RSU1: variants seen among roughly 807,000 people sequenced by gnomAD.
RSU1 encodes rsu-1.
RSU1 carries 26 observed loss-of-function variants against 31.1 expected under a neutral mutation model. That is an observed-to-expected ratio of 0.84 (90% CI 0.61 to 1.16). The LOEUF is 1.16. Among genes scored for constraint, RSU1 ranks in the 50% most tolerant of loss-of-function variants. RSU1 has a pLI of 0.00. For synonymous variants in RSU1, 164 were observed against 136.3 expected, an observed-to-expected ratio of 1.20 and a Z score of -1.41; for missense variants, 320 against 339.1, an observed-to-expected ratio of 0.94 and a Z score of 0.44.
At chr10:16,738,650 C>T (rs1836686375) in intron 7 of RSU1, among the ~76,000 whole-genome samples, 1 of 151,958 alleles carries the variant, frequency 6.6e-6, no homozygotes, top group Non-Finnish European at 1.5e-5. Flanking sequence ...CATAAATTAA[C>T]AATAAAAATG....
chr10:16,679,760 G>GC (rs1368862337), intron 8 of RSU1, among the ~76,000 whole-genome samples: 3 of 151,842 alleles, frequency 2.0e-5, no homozygotes, highest in Admixed American at 2.0e-4. Flanking sequence ...CTCCCACGTG[G>GC]CCCACCATCA....
At chr10:16,785,077 G>C (rs914980488) in intron 2 of RSU1, among the ~76,000 whole-genome samples, 2 of 152,184 alleles carry the variant, frequency 1.3e-5, no homozygotes, top group Admixed American at 6.5e-5. Flanking sequence ...GTTCCTGTGA[G>C]GGTGTTGCCA....
rs546602822 is a variant in RSU1, at chr10:16,771,908, A to G, written c.161-7398T>C. Among the ~76,000 whole-genome samples the G allele has an allele frequency of 2.0e-5, 3 of 152,252 alleles. No homozygotes were observed. In the East Asian group the frequency reaches 5.8e-4, roughly 29 times the overall value. ...ACATAAAATAGCAAAGTATCTAAGC[A>G]TCTACGCCAAGAAAGGCCAACATCC... On this transcript the variant is annotated intron_variant, in intron 3 of 8. Coordinates refer to ENST00000345264, the MANE Select transcript of RSU1 (RefSeq NM_012425.4).
At chr10:16,699,729 C>T (rs940598818) in intron 7 of RSU1, among the ~76,000 whole-genome samples, 6 of 152,210 alleles carry the variant, frequency 3.9e-5, no homozygotes, top group Non-Finnish European at 8.8e-5. Context: ...CTGGCTGGCT[C>T]CCAGACACAG....
At chr10:16,628,749 T>C (rs1384675520) in intron 8 of RSU1, among the ~76,000 whole-genome samples, 1 of 152,180 alleles carries the variant, frequency 6.6e-6, no homozygotes, top group Non-Finnish European at 1.5e-5. Flanking sequence ...TAGCCGAACA[T>C]GAGAACCTTG....
At chr10:16,669,423 C>G (rs980245061) in intron 8 of RSU1, among the ~76,000 whole-genome samples, 1 of 152,070 alleles carries the variant, frequency 6.6e-6, no homozygotes, top group Non-Finnish European at 1.5e-5. Context: ...ATTAATTCCC[C>G]TTTTGGAATT....
chr10:16,694,254 C>G (rs561008708), intron 8 of RSU1, among the ~76,000 whole-genome samples: 7 of 152,300 alleles, frequency 4.6e-5, no homozygotes, highest in African/African-American at 1.7e-4. Flanking sequence ...CGCTTCCTCT[C>G]CTGCCTTCCC....
chr10:16,637,903 T>A (rs1834373781), intron 8 of RSU1, among the ~76,000 whole-genome samples: 1 of 151,908 alleles, frequency 6.6e-6, no homozygotes, highest in Admixed American at 6.6e-5. Flanking sequence ...AGTACCCGCA[T>A]CCCTAGACTC....
chr10:16,698,700 G>T (rs1264093293), intron 7 of RSU1, among the ~76,000 whole-genome samples: 7 of 152,180 alleles, frequency 4.6e-5, no homozygotes, highest in African/African-American at 1.7e-4. Context: ...CTGCTAACTG[G>T]AGCACACAGG....
At chr10:16,719,186 T>TG (rs1836205623) in intron 7 of RSU1, among the ~76,000 whole-genome samples, 1 of 152,074 alleles carries the variant, frequency 6.6e-6, no homozygotes, top group Non-Finnish European at 1.5e-5. Flanking sequence ...CGCATGCCTC[T>TG]AGTCCCAGCT....
chr10:16,736,720 G>A (rs930044713), intron 7 of RSU1, among the ~76,000 whole-genome samples: 1 of 151,880 alleles, frequency 6.6e-6, no homozygotes, highest in African/African-American at 2.4e-5. Flanking sequence ...ATCCATCAAT[G>A]CAAACAGAAT....
At chr10:16,730,738 T>A (rs1207732380) in intron 7 of RSU1, among the ~76,000 whole-genome samples, 1 of 152,180 alleles carries the variant, frequency 6.6e-6, no homozygotes, top group Non-Finnish European at 1.5e-5. Flanking sequence ...AATCCCAACA[T>A]ACAGAGACAT....
intron 8 of RSU1, among the ~76,000 whole-genome samples, chr10:16,641,454 T>C (rs957857058): frequency 6.8e-6 from 1 of 147,882 alleles, no homozygotes; most frequent in African/African-American, 2.6e-5. Context: ...ACTGTGCCAC[T>C]GCACTCCAGC....
intron 8 of RSU1, among the ~76,000 whole-genome samples, chr10:16,682,795 T>A (rs1465933447): frequency 2.0e-5 from 3 of 152,018 alleles, no homozygotes; most frequent in Non-Finnish European, 2.9e-5. Flanking sequence ...CCAAGAGCCA[T>A]TACACAGGAC....
At chr10:16,627,672 G>T (rs189273814) in intron 8 of RSU1, among the ~76,000 whole-genome samples, 1 of 150,222 alleles carries the variant, frequency 6.7e-6, no homozygotes, top group Non-Finnish European at 1.5e-5. Context: ...CAGGAGAATC[G>T]CTTGAATCTG....
At chr10:16,603,115 C>A (rs774127892) in intron 8 of RSU1, among the ~76,000 whole-genome samples, 1 of 152,140 alleles carries the variant, frequency 6.6e-6, no homozygotes, top group African/African-American at 2.4e-5. Context: ...GTGTCTGTCA[C>A]ATTCTTCTCC....
chr10:16,699,882 T>A (rs1835752695), intron 7 of RSU1, among the ~76,000 whole-genome samples: 1 of 152,218 alleles, frequency 6.6e-6, no homozygotes, highest in South Asian at 2.1e-4. Context: ...GCAAATTGGA[T>A]TTTCCATTTT....
chr10:16,640,290 T>A (rs751171322), intron 8 of RSU1, among the ~76,000 whole-genome samples: 7 of 152,170 alleles, frequency 4.6e-5, no homozygotes, highest in Non-Finnish European at 1.0e-4. Flanking sequence ...CCTCCTCTTA[T>A]CTAATCATCA....
intron 2 of RSU1, among the ~76,000 whole-genome samples, chr10:16,783,059 T>C (rs1344492266): frequency 6.6e-6 from 1 of 151,864 alleles, no homozygotes; most frequent in Non-Finnish European, 1.5e-5. Flanking sequence ...CACAGGTGCA[T>C]GCCACCATGC....
Sources: allele counts gnomAD v4.1 joint callset (sites outside exome capture counted in the v4.1 genomes callset), GRCh38; gene constraint gnomAD v4.1.1; transcripts MANE v1.5; gene names NCBI Gene and HGNC (gene_info 2026-07-23, HGNC 2026-07-21).